The following RABL3 variants were observed in gnomAD, a reference collection of about 807,000 sequenced individuals.
The protein encoded by RABL3 is RAB, member of RAS oncogene family like 3.
In RABL3, 31 loss-of-function variants were observed where a neutral mutation model predicts 31.8. The ratio of observed to expected loss-of-function variants is 0.97; its 90% CI spans 0.73 to 1.31. RABL3 has a LOEUF of 1.31. Among genes scored for constraint, RABL3 ranks in the 40% most tolerant of loss-of-function variants. RABL3 has a pLI of 0.00. For missense variants in RABL3, 263 were observed against 279.6 expected, an observed-to-expected ratio of 0.94 and a Z score of 0.42; for synonymous variants, 97 against 99.9, an observed-to-expected ratio of 0.97 and a Z score of 0.18.
At chr3:120,701,601 GAA>G (rs571980625) in intron 4 of RABL3, among the ~76,000 whole-genome samples, 1 of 152,180 alleles carries the variant, frequency 6.6e-6, no homozygotes, top group Non-Finnish European at 1.5e-5. Flanking sequence ...CATCAGTGAT[GAA>G]AGGAATTGAG....
intron 1 of RABL3, among the ~76,000 whole-genome samples, chr3:120,736,661 T>A (rs1325095886): frequency 6.6e-6 from 1 of 152,214 alleles, no homozygotes; most frequent in African/African-American, 2.4e-5. Flanking sequence ...GTTTTTGCAG[T>A]GGCTGGTACC....
chr3:120,690,454 T>C lies in RABL3; in HGVS notation c.640A>G (p.Asn214Asp). ...IEKRYFLREG[N>D]QIPGFPDRKR... is the part of the protein sequence containing the mutation. The stretch of plus-strand genomic sequence containing the variant: ...TCAAGAAAAGAGATACCAACCTGAT[T>C]ACCTTCTCTTAAAAAGTATCTCTTC... Residue 214 changes from asparagine to aspartate, a missense_variant, in exon 7 of 8, where the codon AAT becomes GAT. Transcript: ENST00000273375. 1 of 1,587,640 alleles carries C rather than the reference T, an allele frequency of 6.3e-7. No homozygotes were observed. The highest frequency in any genetic ancestry group is 8.6e-7 in the Non-Finnish European group (1 of 1,156,408).
intron 5 of RABL3, among the ~76,000 whole-genome samples, chr3:120,694,610 C>T (rs566533963): frequency 6.6e-6 from 1 of 152,132 alleles, no homozygotes; most frequent in Non-Finnish European, 1.5e-5. Flanking sequence ...ACTTTTAGTA[C>T]TAGTTAATCA....
intron 1 of RABL3, among the ~76,000 whole-genome samples, chr3:120,742,068 T>C (rs916552600): frequency 6.6e-6 from 1 of 152,094 alleles, no homozygotes; most frequent in Non-Finnish European, 1.5e-5. Context: ...CACGTTTGAC[T>C]TCCTTAATGA....
In RABL3 at chr3:120,686,637, C is replaced by T. The variant is rs888331871; in HGVS notation, c.*3186G>A. 1 of 152,146 alleles carries T rather than the reference C, an allele frequency of 6.6e-6. No individual in the cohort carries two copies. Among genetic ancestry groups the T allele is most frequent in the Non-Finnish European group, 1.5e-5 (1 of 68,028 alleles). 9.4% of individuals were successfully genotyped at this position (152,146 alleles called of 1,614,324 possible). A position where few individuals can be genotyped will look rare whatever the true frequency, so the allele number is the denominator to read the frequency against. ...GCGGAGAAGAGCTTTCTTTCTTCAC[C>T]CATCACTAGGTTCACAAATGAGGCA... On this transcript the variant is annotated 3_prime_UTR_variant, in exon 8 of 8. Coordinates refer to ENST00000273375, the MANE Select transcript of RABL3 (RefSeq NM_173825.5).
At chr3:120,699,345 T>C (rs1708470855) in intron 4 of RABL3, among the ~76,000 whole-genome samples, 1 of 152,188 alleles carries the variant, frequency 6.6e-6, no homozygotes, top group Non-Finnish European at 1.5e-5. Flanking sequence ...CTTGGATCAC[T>C]GGCTATTACA....
chr3:120,718,416 C>T (rs933950688), intron 2 of RABL3, among the ~76,000 whole-genome samples: 8 of 152,192 alleles, frequency 5.3e-5, no homozygotes, highest in African/African-American at 1.7e-4. Context: ...CTTGTCTTAT[C>T]GTTAATATGT....
chr3:120,721,595 T>C (rs1308837759), intron 2 of RABL3, among the ~76,000 whole-genome samples: 1 of 152,038 alleles, frequency 6.6e-6, no homozygotes, highest in Non-Finnish European at 1.5e-5. Context: ...CATTACATAA[T>C]GGTAAAGGGA....
intron 1 of RABL3, among the ~76,000 whole-genome samples, chr3:120,733,164 T>A (rs1016210864): frequency 6.6e-6 from 1 of 152,236 alleles, no homozygotes; most frequent in African/African-American, 2.4e-5. Context: ...GATGAACTAG[T>A]TTACAGTTCC....
rs1204133594 is a variant in RABL3, at chr3:120,742,484, C to T, written c.24G>A (p.Lys8=). Residue 8 remains lysine (K), a synonymous_variant, in exon 1 of 8, where the codon AAG becomes AAA. Transcript: ENST00000273375. MASLDRV[K]VLVLGDSGVG... The stretch of plus-strand genomic sequence containing the variant: ...CACCTGAGTCTCCCAACACCAGTAC[C>T]TTCACCCGATCCAGGGACGCCATCT... 1 of 1,614,090 alleles carries T rather than the reference C, an allele frequency of 6.2e-7. No individual in the cohort carries two copies. Among genetic ancestry groups the T allele is most frequent in the East Asian group, 2.2e-5 (1 of 44,894 alleles).
chr3:120,717,058 G>C (rs772319781), intron 2 of RABL3, among the ~76,000 whole-genome samples: 8 of 152,062 alleles, frequency 5.3e-5, no homozygotes, highest in Non-Finnish European at 8.8e-5. Context: ...TTTGAGACCA[G>C]CCTGGCCAAC....
intron 2 of RABL3, among the ~76,000 whole-genome samples, chr3:120,712,040 C>T (rs1428196769): frequency 2.0e-5 from 3 of 152,052 alleles, no homozygotes; most frequent in African/African-American, 7.2e-5. Flanking sequence ...ATTAAAAAAA[C>T]AAGATAGCTC....
At chr3:120,727,567 T>A (rs1708837057) in intron 2 of RABL3, among the ~76,000 whole-genome samples, 1 of 151,924 alleles carries the variant, frequency 6.6e-6, no homozygotes, top group Non-Finnish European at 1.5e-5. Context: ...AGAGAACAGA[T>A]ACAGAAATTA....
chr3:120,740,749 A>G (rs577961892), intron 1 of RABL3, among the ~76,000 whole-genome samples: 5 of 152,238 alleles, frequency 3.3e-5, no homozygotes, highest in Non-Finnish European at 5.9e-5. Context: ...TTAAAAAGAT[A>G]AAAAGACAAT....
At chr3:120,706,885 C>A (rs7430753) in intron 3 of RABL3, among the ~76,000 whole-genome samples, 142,715 of 152,164 alleles carry the variant, frequency 0.94, 67,116 homozygotes, top group East Asian at 0.98. Context: ...CAGAAATACA[C>A]TAAAATACAA....
At chr3:120,726,008 G>T (rs982024939) in intron 2 of RABL3, among the ~76,000 whole-genome samples, 2 of 151,872 alleles carry the variant, frequency 1.3e-5, no homozygotes, top group Admixed American at 6.6e-5. Context: ...TATGGAGGCG[G>T]GGGTCTCACC....
intron 4 of RABL3, among the ~76,000 whole-genome samples, chr3:120,701,496 A>T (rs1437235033): frequency 6.6e-6 from 1 of 152,206 alleles, no homozygotes; most frequent in African/African-American, 2.4e-5. Context: ...TTTCTTTCTG[A>T]TATGAATATG....
chr3:120,709,819 C>T lies in RABL3; in HGVS notation c.229G>A (p.Val77Met), dbSNP rs59155676. Residue 77 changes from valine to methionine, a missense_variant, in exon 3 of 8, where the codon GTG becomes ATG. Transcript: ENST00000273375. Reference protein sequence around the residue: ...VGGSVGSASSVKSTRAVFYNS... With the variant: ...VGGSVGSASSMKSTRAVFYNS... Reference sequence around the variant, plus strand: ...TAGAATACTGCTCTTGTGCTTTTCACGCTGCTGGCACTGCCCACAGAGCCT... The same window carrying T: ...TAGAATACTGCTCTTGTGCTTTTCATGCTGCTGGCACTGCCCACAGAGCCT... 7 of 1,612,158 alleles carry T rather than the reference C, an allele frequency of 4.3e-6. No individual in the cohort carries two copies. Among genetic ancestry groups the T allele is most frequent in the Non-Finnish European group, 4.2e-6 (5 of 1,178,516 alleles).
intron 2 of RABL3, among the ~76,000 whole-genome samples, chr3:120,724,099 G>C (rs970945351): frequency 6.6e-6 from 1 of 152,118 alleles, no homozygotes; most frequent in Non-Finnish European, 1.5e-5. Context: ...ACTTCAGCAA[G>C]GTCTCAGGAT....
Sources: allele counts gnomAD v4.1 joint callset (sites outside exome capture counted in the v4.1 genomes callset), GRCh38; gene constraint gnomAD v4.1.1; transcripts MANE v1.5; gene names NCBI Gene and HGNC (gene_info 2026-07-23, HGNC 2026-07-21).